The following SLC8A1 variants were observed in gnomAD, a reference collection of about 807,000 sequenced individuals.
SLC8A1 encodes sodium/calcium exchanger 1.
Under a neutral mutation model 68.3 loss-of-function variants are expected in SLC8A1, and 18 were observed. That is an observed-to-expected ratio of 0.26 (90% CI 0.18 to 0.39). The LOEUF (loss-of-function observed/expected upper bound fraction) is 0.39, where lower values mean the gene tolerates loss of function less well. Among genes scored for constraint, SLC8A1 ranks in the 10% least tolerant of loss-of-function variants. The probability of loss-of-function intolerance (pLI) is 1.00; values close to 1 mark genes in which losing one functional copy is unlikely to be tolerated. For synonymous variants in SLC8A1, 475 were observed against 415.5 expected (o/e 1.14, Z -1.74); for missense variants, 985 against 1,156.7 (o/e 0.85, Z 2.15).
At chr2:40,300,182 G>C (rs531483084) in intron 2 of SLC8A1, among the ~76,000 whole-genome samples, 17 of 152,276 alleles carry the variant, frequency 1.1e-4, no homozygotes, top group African/African-American at 3.9e-4. Context: ...AAAAACAACA[G>C]TTGGGGCTTG....
intron 2 of SLC8A1, among the ~76,000 whole-genome samples, chr2:40,415,217 G>A (rs1229165974): frequency 2.0e-5 from 3 of 152,158 alleles, no homozygotes; most frequent in Non-Finnish European, 2.9e-5. Context: ...GGGCTGGAGA[G>A]GTGGTGATGT....
chr2:40,310,964 T>G (rs2073561426), intron 2 of SLC8A1, among the ~76,000 whole-genome samples: 1 of 152,316 alleles, frequency 6.6e-6, no homozygotes, highest in African/African-American at 2.4e-5. Context: ...GGTTTAATTG[T>G]CTAAATACCT....
intron 2 of SLC8A1, among the ~76,000 whole-genome samples, chr2:40,212,301 T>TTTTTC (rs1553417570): frequency 2.0e-5 from 3 of 150,320 alleles, no homozygotes; most frequent in Non-Finnish European, 4.4e-5. Flanking sequence ...TTTTTTTTTT[T>TTTTTC]CCTGAGACAA....
chr2:40,373,652 G>C (rs1035494171), intron 2 of SLC8A1, among the ~76,000 whole-genome samples: 10 of 152,112 alleles, frequency 6.6e-5, no homozygotes, highest in African/African-American at 2.4e-4. Flanking sequence ...AATGAAGGCT[G>C]AGAGAACTTG....
intron 2 of SLC8A1, among the ~76,000 whole-genome samples, chr2:40,376,562 G>A (rs530938514): frequency 1.3e-5 from 2 of 152,032 alleles, no homozygotes; most frequent in African/African-American, 4.8e-5. Context: ...AAGTTCAAAA[G>A]TGGCGAAAGG....
intron 2 of SLC8A1, among the ~76,000 whole-genome samples, chr2:40,370,924 T>G (rs1168217574): frequency 6.6e-6 from 1 of 152,110 alleles, no homozygotes; most frequent in Non-Finnish European, 1.5e-5. Flanking sequence ...GCATTTTATT[T>G]AGCATGACTT....
chr2:40,284,981 A>G (rs2068083807), intron 2 of SLC8A1, among the ~76,000 whole-genome samples: 1 of 152,158 alleles, frequency 6.6e-6, no homozygotes, highest in East Asian at 1.9e-4. Flanking sequence ...AGAGAATGTC[A>G]GAGTCAATAA....
chr2:40,181,408 C>G (rs1031271888), intron 2 of SLC8A1, among the ~76,000 whole-genome samples: 4 of 152,092 alleles, frequency 2.6e-5, no homozygotes, highest in African/African-American at 9.7e-5. Flanking sequence ...TTTTGAAGTA[C>G]TTGATAACTA....
At position 40,357,825 on chromosome 2, in the gene SLC8A1, G is replaced by C. The variant is rs1172825935; in HGVS notation, c.1808+70648C>G. On this transcript the variant is annotated intron_variant, in intron 2 of 7. Coordinates refer to ENST00000406785, the Ensembl canonical transcript of SLC8A1. ...TAGTGCACATCATCCTCTTTAAGGA[G>C]AGTACAGTTGATGGCTTCTCTCTCC... 2.0e-5 allele frequency among the ~76,000 whole-genome samples: 3 copies of C among 152,256 alleles called. No individual in the cohort carries two copies. The South Asian group carries it at 6.2e-4, about 32-fold the overall frequency.
chr2:40,362,150 C>A (rs913468494), intron 2 of SLC8A1, among the ~76,000 whole-genome samples: 1 of 151,838 alleles, frequency 6.6e-6, no homozygotes, highest in Non-Finnish European at 1.5e-5. Context: ...TTGCCTCAGC[C>A]TCCCATAGTG....
chr2:40,170,565 A>T (rs72792747), intron 4 of SLC8A1, among the ~76,000 whole-genome samples: 216 of 152,324 alleles, frequency 1.4e-3, no homozygotes, highest in Middle Eastern at 0.014. Flanking sequence ...GAGATGAGCG[A>T]GTATTTCATG....
At chr2:40,120,000 GC>G (rs1176808358) in intron 7 of SLC8A1, among the ~76,000 whole-genome samples, 1 of 152,148 alleles carries the variant, frequency 6.6e-6, no homozygotes, top group Non-Finnish European at 1.5e-5. Context: ...TGGTCAACAT[GC>G]AAAAATAGGC....
chr2:40,106,964 T>C (rs1047361955), exon 8 of SLC8A1: 5 of 152,132 alleles, frequency 3.3e-5, no homozygotes, highest in Admixed American at 6.5e-5. Flanking sequence ...TACCAACTGT[T>C]TGAAAGGGCT....
At chr2:40,501,286 C>A (rs1196511449) in intron 1 of SLC8A1, among the ~76,000 whole-genome samples, 2 of 151,986 alleles carry the variant, frequency 1.3e-5, no homozygotes, top group Admixed American at 6.6e-5. Flanking sequence ...ATATCAAACA[C>A]CCCAGTGACA....
chr2:40,124,715 C>A (rs549720156), intron 7 of SLC8A1, among the ~76,000 whole-genome samples: 17 of 152,266 alleles, frequency 1.1e-4, no homozygotes, highest in East Asian at 9.7e-4. Context: ...GGGATTGGAG[C>A]AGAGTTTCTA....
At chr2:40,480,228 G>T (rs189066428) in intron 1 of SLC8A1, among the ~76,000 whole-genome samples, 2 of 152,076 alleles carry the variant, frequency 1.3e-5, no homozygotes, top group Non-Finnish European at 1.5e-5. Context: ...ACTACTTATT[G>T]CATCAAAGAT....
At chr2:40,270,662 T>C (rs778816327) in intron 2 of SLC8A1, among the ~76,000 whole-genome samples, 4 of 152,180 alleles carry the variant, frequency 2.6e-5, no homozygotes, top group Non-Finnish European at 4.4e-5. Flanking sequence ...CAGAACAATC[T>C]CCTCATCTCA....
chr2:40,125,110 G>A (rs1270519005), intron 7 of SLC8A1, among the ~76,000 whole-genome samples: 1 of 152,168 alleles, frequency 6.6e-6, no homozygotes, highest in Non-Finnish European at 1.5e-5. Flanking sequence ...AATAAATATA[G>A]GTTAAAAATA....
chr2:40,147,381 A>C (rs2042665664), intron 6 of SLC8A1, among the ~76,000 whole-genome samples: 3 of 152,206 alleles, frequency 2.0e-5, no homozygotes, highest in Admixed American at 1.3e-4. Flanking sequence ...TCTTACCCTT[A>C]ACTAATTGTA....
Sources: gnomAD v4.1 joint callset for allele counts (sites outside exome capture counted in the v4.1 genomes callset) on GRCh38, gnomAD v4.1.1 for gene constraint, MANE v1.5 for transcripts, NCBI Gene and HGNC (gene_info 2026-07-23, HGNC 2026-07-21) for gene names.